Variants in PARVB observed in about 807,000 individuals in gnomAD.
PARVB encodes beta-parvin.
Under a neutral mutation model 47.0 loss-of-function variants are expected in PARVB, and 46 were observed. The ratio of observed to expected loss-of-function variants is 0.98; its 90% CI spans 0.77 to 1.25. The LOEUF is 1.25. Ranked by LOEUF, PARVB falls within the 50% of genes most tolerant of loss-of-function variation. PARVB has a pLI of 0.00. For missense variants in PARVB, 473 were observed against 471.6 expected, an observed-to-expected ratio of 1.00 and a Z score of -0.03; for synonymous variants, 196 against 196.3, an observed-to-expected ratio of 1.00 and a Z score of 0.01.
chr22:44,075,769 G>A (rs2051757844), intron 1 of PARVB, among the ~76,000 whole-genome samples: 2 of 152,204 alleles, frequency 1.3e-5, no homozygotes, highest in African/African-American at 2.4e-5. Flanking sequence ...CACAGCTGAC[G>A]GCGCGTTTCT....
intron 1 of PARVB, among the ~76,000 whole-genome samples, chr22:44,028,832 A>G (rs2050776033): frequency 6.6e-6 from 1 of 152,086 alleles, no homozygotes. Context: ...GAATTCTGTT[A>G]GGTGTATTGT....
chr22:44,142,466 C>A (rs1262686953), intron 8 of PARVB: 1 of 138,720 alleles, frequency 7.2e-6, no homozygotes, highest in Non-Finnish European at 1.5e-5. Context: ...TTTTTTGTGG[C>A]GCTGTCACTT....
Position 44,136,486 on chromosome 22 carries a change from C to A in PARVB, c.660C>A (p.Ser220Arg). ...AACGGGAAGGCCTGCTGCATTCCAG[C>A]CACATCTCGGAGGAGCTGACCACAA... ...VRKREGLLHS[S>R]HISEELTTTT... The change falls in exon 7 of 13, where the codon AGC (serine) becomes AGA (arginine). Residue 220 changes from serine (S) to arginine (R), a missense_variant. By Grantham distance (110) the Ser-to-Arg change is moderately radical. Transcript: ENST00000338758. 2 of 1,614,126 alleles carry A rather than the reference C, an allele frequency of 1.2e-6. No homozygotes were observed. Among genetic ancestry groups the A allele is most frequent in the Non-Finnish European group, 1.7e-6 (2 of 1,179,980 alleles).
At chr22:44,082,023 G>A (rs1158209618) in intron 1 of PARVB, among the ~76,000 whole-genome samples, 1 of 152,220 alleles carries the variant, frequency 6.6e-6, no homozygotes, top group African/African-American at 2.4e-5. Context: ...TAAGGAATTA[G>A]GATGAGAGTG....
intron 1 of PARVB, among the ~76,000 whole-genome samples, chr22:44,074,846 C>T (rs1043920393): frequency 6.6e-6 from 1 of 152,236 alleles, no homozygotes; most frequent in African/African-American, 2.4e-5. Flanking sequence ...GCCCCTGGGC[C>T]CTTCCCTCCA....
intron 4 of PARVB, chr22:44,119,968 G>A (rs558192005): frequency 1.4e-5 from 6 of 436,120 alleles, no homozygotes; most frequent in Admixed American, 1.2e-4. Context: ...GGAATTCTTG[G>A]ACTTGTAGTG....
rs368883528 is a variant in PARVB at position 44,013,188 on chromosome 22, G to A, written c.211+13515G>A. On this transcript the variant is annotated intron_variant, in intron 2 of 13. Transcript: ENST00000406477. ...GCTGGGATTACAGGCGTGAGTCACC[G>A]TGCCTGACCGCTTGCAGCTTTTAAG... Among the ~76,000 whole-genome samples the A allele has an allele frequency of 5.9e-5, 9 of 152,178 alleles. No individual in the cohort carries two copies. In the East Asian group the frequency reaches 7.7e-4, roughly 13 times the overall value.
At chr22:44,016,353 C>T (rs191781769) in intron 2 of PARVB, among the ~76,000 whole-genome samples, 2 of 152,250 alleles carry the variant, frequency 1.3e-5, no homozygotes, top group East Asian at 1.9e-4. Flanking sequence ...GCCTCAGCCT[C>T]CCAAAGTGCT....
intron 2 of PARVB, among the ~76,000 whole-genome samples, chr22:44,004,512 C>T (rs1278501068): frequency 1.3e-5 from 2 of 152,156 alleles, no homozygotes; most frequent in African/African-American, 4.8e-5. Context: ...GTTACAGGCC[C>T]AGCGAGTTCC....
At chr22:44,038,314 G>C (rs955479651) in intron 1 of PARVB, among the ~76,000 whole-genome samples, 5 of 152,202 alleles carry the variant, frequency 3.3e-5, no homozygotes, top group Admixed American at 6.5e-5. Flanking sequence ...TAGGGTGACT[G>C]CTCTTGAGGC....
chr22:44,161,270 G>C (rs1245805156), intron 11 of PARVB, among the ~76,000 whole-genome samples: 1 of 150,828 alleles, frequency 6.6e-6, no homozygotes, highest in African/African-American at 2.4e-5. Context: ...TTCAGTCCTG[G>C]TTCCATGCCT....
At chr22:44,076,931 C>T (rs1443665170) in intron 1 of PARVB, among the ~76,000 whole-genome samples, 1 of 152,116 alleles carries the variant, frequency 6.6e-6, no homozygotes, top group East Asian at 1.9e-4. Flanking sequence ...CTGTCTGATA[C>T]CAGCTTGGCT....
chr22:44,022,392 C>G (rs925028335), upstream of PARVB, among the ~76,000 whole-genome samples: 18 of 152,102 alleles, frequency 1.2e-4, no homozygotes, highest in African/African-American at 4.1e-4. Context: ...ACTTCTCCCC[C>G]ACCCCATCCA....
intron 1 of PARVB, among the ~76,000 whole-genome samples, chr22:44,081,865 T>C (rs1259817820): frequency 1.3e-5 from 2 of 152,180 alleles, no homozygotes; most frequent in Non-Finnish European, 2.9e-5. Context: ...GCTCTTTTCT[T>C]CTTATTATTA....
At chr22:44,164,316 G>A (rs907763103) in intron 12 of PARVB, among the ~76,000 whole-genome samples, 5 of 152,176 alleles carry the variant, frequency 3.3e-5, no homozygotes, top group Admixed American at 3.3e-4. Context: ...TCAGCCAAAG[G>A]CAGTACTTGG....
intron 4 of PARVB, among the ~76,000 whole-genome samples, chr22:44,123,985 C>T (rs2053131085): frequency 6.6e-6 from 1 of 152,200 alleles, no homozygotes; most frequent in Admixed American, 6.5e-5. Flanking sequence ...CAAATAAATG[C>T]CAAGAGCAGA....
intron 1 of PARVB, among the ~76,000 whole-genome samples, chr22:44,065,172 G>T (rs1233117863): frequency 2.0e-5 from 3 of 151,970 alleles, no homozygotes; most frequent in Non-Finnish European, 4.4e-5. Context: ...GGGTTTTGTG[G>T]GGACCCTTTG....
At position 44,155,768 on chromosome 22, in the gene PARVB, C is replaced by T. The variant is rs1009212626; in HGVS notation, c.844-2214C>T. Among the ~76,000 whole-genome samples, 5 of 152,172 alleles carry T rather than the reference C, an allele frequency of 3.3e-5. No individual in the cohort carries two copies. Among genetic ancestry groups the T allele is most frequent in the African/African-American group, 2.4e-5 (1 of 41,452 alleles). ...AGAATTCTTCAAACCCGTCTGATCT[C>T]CTTAATGATAGGAGTGGCTGGCTGC... is the stretch of plus-strand genomic sequence containing the variant. On this transcript the variant is annotated intron_variant, in intron 10 of 12. Coordinates refer to ENST00000338758, the MANE Select transcript of PARVB (RefSeq NM_013327.5). This position sits in a 1 kb window ranked among gnomAD's most constrained non-coding sequence, Gnocchi z 4.8.
At chr22:44,002,547 G>C (rs1055423190) in intron 2 of PARVB, among the ~76,000 whole-genome samples, 1 of 152,234 alleles carries the variant, frequency 6.6e-6, no homozygotes, top group East Asian at 1.9e-4. Flanking sequence ...AGGCGGGTGC[G>C]TGGTCTCTGC....
Sources: gnomAD v4.1 joint callset for allele counts (sites outside exome capture counted in the v4.1 genomes callset) on GRCh38, gnomAD v4.1.1 for gene constraint, Gnocchi (gnomAD v3.1) non-coding constraint, MANE v1.5 for transcripts, NCBI Gene and HGNC (gene_info 2026-07-23, HGNC 2026-07-21) for gene names.